DAAM2: variants seen among roughly 807,000 people sequenced by gnomAD.
The protein encoded by DAAM2 is dishevelled associated activator of morphogenesis 2, also known as disheveled-associated activator of morphogenesis 2.
A neutral mutation model predicts 120.7 loss-of-function variants in DAAM2; 39 were observed. The observed-to-expected ratio is 0.32, with a 90% CI of 0.25 to 0.42. The LOEUF is 0.42. DAAM2 is among the 10% of genes least tolerant of loss of function. DAAM2 has a pLI of 1.00. For synonymous variants in DAAM2, 488 were observed against 524.9 expected (o/e 0.93, Z 0.96); for missense variants, 1,283 against 1,401.7 (o/e 0.92, Z 1.35).
chr6:39,898,132 T>C (rs1320015336), intron 21 of DAAM2, among the ~76,000 whole-genome samples: 1 of 152,228 alleles, frequency 6.6e-6, no homozygotes, highest in Non-Finnish European at 1.5e-5. Flanking sequence ...ATTAAGCCAG[T>C]TACCAATCAC....
chr6:39,865,157 C>T (rs1582697513), intron 5 of DAAM2, 83 bp downstream of exon 5: 1 of 816,598 alleles, frequency 1.2e-6, no homozygotes, highest in East Asian at 2.7e-5. Context: ...GTGCAGTGCT[C>T]TGCTCCCATG....
Position 39,856,291 on chromosome 6 carries a change from C to T in DAAM2, c.-12C>T. On this transcript the variant is annotated 5_prime_UTR_variant, in exon 2 of 25. Coordinates refer to ENST00000274867, the MANE Select transcript of DAAM2 (RefSeq NM_001201427.2). ...GCATCTGTCTGCTGACGCCCCCTGG[C>T]CTGCAGTGACCATGGCCCCCCGCAA... 6.6e-7 allele frequency: 1 copy of T among 1,512,036 alleles called. No individual in the cohort carries two copies. The highest frequency in any genetic ancestry group is 1.3e-5 in the South Asian group (1 of 75,808). 93.7% of individuals were successfully genotyped at this position (1,512,036 alleles called of 1,614,324 possible).
At chr6:39,894,079 T>C (rs1299795855) in intron 19 of DAAM2, among the ~76,000 whole-genome samples, 2 of 152,208 alleles carry the variant, frequency 1.3e-5, no homozygotes, top group East Asian at 1.9e-4. Flanking sequence ...CCGATTCTTA[T>C]TATAAATACA....
In DAAM2 at chr6:39,817,450, CTG is replaced by C. The variant is rs1762342541; in HGVS notation, c.-57+24986_-57+24987del. Among the ~76,000 whole-genome samples the C allele has an allele frequency of 3.9e-5, 6 of 152,274 alleles. No homozygotes were observed. The South Asian group carries it at 1.2e-3, about 32-fold the overall frequency. ...TCTGCTTGTTTTAGTCCCTCAGGAA[CTG>C]AGGCTGGCAGAACAGGCCCTGTCTT... is the stretch of plus-strand genomic sequence containing the variant. On this transcript the variant is annotated intron_variant, in intron 1 of 24. Transcript: ENST00000274867.
intron 1 of DAAM2, among the ~76,000 whole-genome samples, chr6:39,829,690 C>T (rs1230476503): frequency 6.6e-6 from 1 of 152,208 alleles, no homozygotes; most frequent in African/African-American, 2.4e-5. Context: ...TCAGACATTT[C>T]TACTCAGTGC....
intron 19 of DAAM2, among the ~76,000 whole-genome samples, chr6:39,895,893 T>G (rs1766051456): frequency 6.6e-6 from 1 of 152,220 alleles, no homozygotes; most frequent in Non-Finnish European, 1.5e-5. Context: ...TGCCCAAAGG[T>G]TGGAAAAATC....
At position 39,878,030 on chromosome 6, in the gene DAAM2, G is replaced by A. The variant is rs1365718442; in HGVS notation, c.1302-173G>A. On this transcript the variant is annotated intron_variant, in intron 11 of 24. Transcript: ENST00000274867. This position sits in a 1 kb window ranked among gnomAD's most constrained non-coding sequence, Gnocchi z 5.0. ...GTCTCCACAGACACATAATGTGAAC[G>A]GGGCAGGGGACCTGGAGAGACACCT... is the stretch of plus-strand genomic sequence containing the variant. Among the ~76,000 whole-genome samples, 3 of 152,128 alleles carry A rather than the reference G, an allele frequency of 2.0e-5. No homozygotes were observed. Among genetic ancestry groups the A allele is most frequent in the African/African-American group, 4.8e-5 (2 of 41,422 alleles).
At chr6:39,827,986 C>G (rs1762737316) in intron 1 of DAAM2, among the ~76,000 whole-genome samples, 1 of 152,202 alleles carries the variant, frequency 6.6e-6, no homozygotes, top group Admixed American at 6.5e-5. Context: ...TACAAAGTCT[C>G]TCTAACGCCT....
rs61748651 is a variant in DAAM2 at position 39,898,916 on chromosome 6, G to C, written c.2658G>C (p.Arg886Ser). Residue 886 changes from arginine (R) to serine (S), a missense_variant, in exon 22 of 25, where the codon AGG (arginine) becomes AGC (serine). Physicochemically the swap from Arg to Ser is moderately radical, Grantham distance 110. Transcript: ENST00000274867. ...AGAAGGAGGTGGGCAACCTCAGGAG[G>C]GGCCTGAGAGCGGTGGAGGTGGTGA... is the stretch of plus-strand genomic sequence containing the variant. ...ELEKEVGNLRRGLRAVEVELE... is the reference protein window; with the variant it reads ...ELEKEVGNLRSGLRAVEVELE... 1.9e-6 allele frequency: 3 copies of C among 1,612,514 alleles called. No individual in the cohort carries two copies. The highest frequency in any genetic ancestry group is 2.2e-5 in the South Asian group (2 of 90,506).
At position 39,902,111 on chromosome 6, in the gene DAAM2, A is replaced by G; in HGVS notation, c.*74A>G. 7.6e-7 allele frequency: 1 copy of G among 1,322,194 alleles called. No individual in the cohort carries two copies. The highest frequency in any genetic ancestry group is 1.0e-6 in the Non-Finnish European group (1 of 960,392). 81.9% of individuals were successfully genotyped at this position (1,322,194 alleles called of 1,614,324 possible). ...ATGGGGCTGAGTGGAGGAGGTGGTG[A>G]TATTTAAACCATTTGGTGCTTGGTT... On this transcript the variant is annotated 3_prime_UTR_variant, in exon 25 of 25. Transcript: ENST00000274867.
At chr6:39,802,240 C>A (rs1210548669) in intron 1 of DAAM2, among the ~76,000 whole-genome samples, 3 of 152,186 alleles carry the variant, frequency 2.0e-5, no homozygotes, top group Non-Finnish European at 2.9e-5. Flanking sequence ...AGCTGATAAA[C>A]AGACCAGGTT....
At chr6:39,797,919 C>G (rs1219183590) in intron 1 of DAAM2, among the ~76,000 whole-genome samples, 2 of 152,162 alleles carry the variant, frequency 1.3e-5, no homozygotes, top group Non-Finnish European at 2.9e-5. Context: ...ACAGTGAAAC[C>G]CAGCTTGTCA....
At chr6:39,871,662 AGGGCTGGTGT>A in intron 9 of DAAM2, 90 bp downstream of exon 9, 1 of 1,260,570 alleles carries the variant, frequency 7.9e-7, no homozygotes, top group Non-Finnish European at 1.1e-6. Context: ...GTGTTGTGGC[AGGGCTGGTGT>A]GGGCTGGTTC....
chr6:39,839,490 G>A (rs970329091), intron 1 of DAAM2, among the ~76,000 whole-genome samples: 4 of 152,260 alleles, frequency 2.6e-5, no homozygotes, highest in African/African-American at 9.6e-5. Context: ...TCAGGATATT[G>A]TTTAAGCAGG....
Position 39,891,425 on chromosome 6 carries a change from C to A in DAAM2, c.2230C>A (p.Arg744Ser), listed in dbSNP as rs750202686. The A allele has an allele frequency of 2.5e-6, 4 of 1,608,784 alleles. No individual in the cohort carries two copies. The highest frequency in any genetic ancestry group is 2.7e-5 in the African/African-American group (2 of 74,830). The change falls in exon 18 of 25, where the codon CGC becomes AGC. Residue 744 changes from arginine (R) to serine (S), a missense_variant. This residue lies in a region of DAAM2 where 748 missense variants were observed against 768.6 expected (regional missense o/e 0.97). Coordinates refer to ENST00000274867, the MANE Select transcript of DAAM2 (RefSeq NM_001201427.2). ...AATTGAGCGGATGGCCCGTGCTGAC[C>A]GCTTCCTCTATGAAATGAGCAGGTT... ...HEIERMARAD[R>S]FLYEMSRIDH... is the part of the protein sequence containing the mutation.
At chr6:39,805,043 A>C (rs1294583327) in intron 1 of DAAM2, among the ~76,000 whole-genome samples, 1 of 152,148 alleles carries the variant, frequency 6.6e-6, no homozygotes, top group Non-Finnish European at 1.5e-5. Flanking sequence ...GAATCAGCAA[A>C]TTCCTCCAAG....
Position 39,903,792 on chromosome 6 carries a change from G to A in DAAM2, c.*1755G>A, listed in dbSNP as rs113006387. On this transcript the variant is annotated 3_prime_UTR_variant, in exon 25 of 25. Transcript: ENST00000274867. ...GGTCGGTGAGCCCAGCATGTGCGTTGGTTTGAGGGGGCGGGCGGTGTGTGT... is the reference window on the plus strand; with the variant it reads ...GGTCGGTGAGCCCAGCATGTGCGTTAGTTTGAGGGGGCGGGCGGTGTGTGT... 65 of 192,178 alleles carry A rather than the reference G, an allele frequency of 3.4e-4. No homozygotes were observed. Among genetic ancestry groups the A allele is most frequent in the African/African-American group, 1.4e-3 (61 of 42,518 alleles). The allele number at this position is 192,178 out of a possible 1,614,324, so 11.9% of individuals were successfully genotyped here. A position where few individuals can be genotyped will look rare whatever the true frequency, so the allele number is the denominator to read the frequency against.
chr6:39,843,733 C>A (rs778806644), intron 1 of DAAM2, among the ~76,000 whole-genome samples: 70 of 152,224 alleles, frequency 4.6e-4, no homozygotes, highest in Non-Finnish European at 7.8e-4. Context: ...CTTTCTGTGA[C>A]TAAGTGTGTG....
intron 1 of DAAM2, among the ~76,000 whole-genome samples, chr6:39,840,606 G>A (rs918485664): frequency 3.3e-5 from 5 of 152,082 alleles, no homozygotes; most frequent in African/African-American, 1.2e-4. Flanking sequence ...GGAGATGAGG[G>A]AAAGGAGAAT....
Sources: gnomAD v4.1 joint callset for allele counts (sites outside exome capture counted in the v4.1 genomes callset) on GRCh38, gnomAD v4.1.1 for gene constraint, gnomAD v4.1.1 regional missense constraint, Gnocchi (gnomAD v3.1) non-coding constraint, MANE v1.5 for transcripts, NCBI Gene and HGNC (gene_info 2026-07-23, HGNC 2026-07-21) for gene names.